The following NDUFS5 variants were observed in gnomAD, a reference collection of about 807,000 sequenced individuals.
NDUFS5 encodes the protein NADH dehydrogenase [ubiquinone] iron-sulfur protein 5.
NDUFS5 carries 7 observed loss-of-function variants against 10.5 expected under a neutral mutation model. The observed-to-expected ratio is 0.66, with a 90% CI of 0.38 to 1.25. The LOEUF is 1.25. Ranked by LOEUF, NDUFS5 falls within the 50% of genes most tolerant of loss-of-function variation. NDUFS5 has a pLI of 0.02. For missense variants in NDUFS5, 148 were observed against 140.7 expected (o/e 1.05, Z -0.26); for synonymous variants, 38 against 44.0 (o/e 0.86, Z 0.54).
At chr1:39,027,967 G>A (rs1163364213) in intron 1 of NDUFS5, among the ~76,000 whole-genome samples, 24 of 148,962 alleles carry the variant, frequency 1.6e-4, no homozygotes, top group Admixed American at 1.6e-3. Context: ...ACAGGCATGT[G>A]CCAACACGCC....
chr1:39,027,527 C>A (rs1450108372), intron 1 of NDUFS5, among the ~76,000 whole-genome samples: 1 of 149,310 alleles, frequency 6.7e-6, no homozygotes, highest in Non-Finnish European at 1.5e-5. Flanking sequence ...AATTTTTTTC[C>A]CTACTGTCTG....
At chr1:39,029,189 C>T (rs1644173550) in intron 2 of NDUFS5, among the ~76,000 whole-genome samples, 1 of 151,938 alleles carries the variant, frequency 6.6e-6, no homozygotes, top group African/African-American at 2.4e-5. Flanking sequence ...AACGGGATTT[C>T]ACCATGCTGG....
chr1:39,027,429 G>T (rs1012434919), intron 1 of NDUFS5, among the ~76,000 whole-genome samples: 1 of 152,132 alleles, frequency 6.6e-6, no homozygotes, highest in Non-Finnish European at 1.5e-5. Context: ...GTGGGTGTGC[G>T]CGCGCTTCCT....
Position 39,028,838 on chromosome 1 carries a change from A to C in NDUFS5, c.114A>C (p.Lys38Asn). ...CTGGTCGATGCCATGCTTTTGAAAAAGAATGGATAGAATGTGCACATGGAA... is the reference window on the plus strand; with the variant it reads ...CTGGTCGATGCCATGCTTTTGAAAACGAATGGATAGAATGTGCACATGGAA... ...KMAGRCHAFE[K>N]EWIECAHGIG... The change falls in exon 2 of 3, where the codon AAA becomes AAC. Residue 38 changes from lysine to asparagine, a missense_variant. By Grantham distance (94) the Lys-to-Asn change is moderately conservative. Coordinates refer to ENST00000372969, the MANE Select transcript of NDUFS5 (RefSeq NM_004552.3). 1 of 1,614,196 alleles carries C rather than the reference A, an allele frequency of 6.2e-7. No homozygotes were observed. Among genetic ancestry groups the C allele is most frequent in the Non-Finnish European group, 8.5e-7 (1 of 1,180,042 alleles).
At chr1:39,031,071 T>C (rs1644187683) in intron 2 of NDUFS5, among the ~76,000 whole-genome samples, 1 of 152,092 alleles carries the variant, frequency 6.6e-6, no homozygotes, top group Admixed American at 6.6e-5. Flanking sequence ...GGTTTCACCA[T>C]GTTGCCCAGG....
At chr1:39,032,545 TAAAAA>T (rs1240339698) in intron 2 of NDUFS5, among the ~76,000 whole-genome samples, 3 of 151,868 alleles carry the variant, frequency 2.0e-5, no homozygotes, top group Admixed American at 6.6e-5. Context: ...AGTCATTGGT[TAAAAA>T]AATTATGTCA....
chr1:39,034,271 C>G (rs1644213091), intron 2 of NDUFS5, 121 bp from the exon 3 acceptor site: 3 of 809,502 alleles, frequency 3.7e-6, no homozygotes, highest in Non-Finnish European at 6.2e-6. Context: ...ATTTCAGAGG[C>G]CCCGTAAGAT....
rs945601633 is a variant in NDUFS5, at chr1:39,029,050, T to C, written c.216+110T>C. Reference sequence around the variant, plus strand: ...TCTTGTCCCCTAGGCTGGTGTGTGATGGCGCCACCTCGTCTCACTGTAGCC... The same window carrying C: ...TCTTGTCCCCTAGGCTGGTGTGTGACGGCGCCACCTCGTCTCACTGTAGCC... On this transcript the variant is annotated intron_variant, in intron 2 of 2. Transcript: ENST00000372969. 11 of 983,152 alleles carry C rather than the reference T, an allele frequency of 1.1e-5. No individual in the cohort carries two copies. In the Admixed American group the frequency reaches 2.6e-4, roughly 23 times the overall value. 60.9% of individuals were successfully genotyped at this position (983,152 alleles called of 1,614,324 possible).
At chr1:39,033,437 G>T (rs1644203702) in intron 2 of NDUFS5, among the ~76,000 whole-genome samples, 2 of 151,546 alleles carry the variant, frequency 1.3e-5, no homozygotes, top group African/African-American at 4.8e-5. Context: ...GCCGGGTGTG[G>T]TGGCGGGCGC....
chr1:39,031,190 A>G (rs536201914), intron 2 of NDUFS5, among the ~76,000 whole-genome samples: 128 of 151,916 alleles, frequency 8.4e-4, no homozygotes, highest in Non-Finnish European at 1.3e-4. Flanking sequence ...TTTTATTTAT[A>G]TAAAATAGAA....
chr1:39,029,840 C>T (rs557732060), intron 2 of NDUFS5, among the ~76,000 whole-genome samples: 52 of 152,274 alleles, frequency 3.4e-4, no homozygotes, highest in African/African-American at 1.2e-3. Flanking sequence ...CGCCTGTAAT[C>T]CCAGGACTTT....
chr1:39,027,609 C>T (rs1037235972), intron 1 of NDUFS5, among the ~76,000 whole-genome samples: 10 of 28,140 alleles, frequency 3.6e-4, no homozygotes, highest in South Asian at 6.6e-4. Context: ...GACAGGATCT[C>T]GCTTTGTTGC....
chr1:39,027,581 G>GTTTGTTTTTTT (rs1644158673), intron 1 of NDUFS5, among the ~76,000 whole-genome samples: 1 of 91,134 alleles, frequency 1.1e-5, no homozygotes, highest in Non-Finnish European at 2.2e-5. Flanking sequence ...TTTCGCTCTG[G>GTTTGTTTTTTT]TTTTTTTTTT....
intron 2 of NDUFS5, among the ~76,000 whole-genome samples, chr1:39,030,397 T>C: frequency 1.7e-5 from 2 of 118,574 alleles, no homozygotes; most frequent in African/African-American, 3.1e-5. Context: ...AGAGCGAGAC[T>C]CCGTCTCAAG....
chr1:39,032,994 C>T (rs1040272562), intron 2 of NDUFS5, among the ~76,000 whole-genome samples: 2 of 152,104 alleles, frequency 1.3e-5, no homozygotes, highest in African/African-American at 4.8e-5. Context: ...GGGTTTTGAG[C>T]AGAGGAATAA....
chr1:39,027,928 C>T (rs1338906545), intron 1 of NDUFS5, among the ~76,000 whole-genome samples: 3 of 146,858 alleles, frequency 2.0e-5, no homozygotes, highest in Non-Finnish European at 4.5e-5. Context: ...AGCAGTTCTC[C>T]TGTCTCAGCC....
rs752074607 is a variant in NDUFS5, at chr1:39,028,706, T to A, written c.-2-17T>A. On this transcript the variant is annotated splice_polypyrimidine_tract_variant and intron_variant, in intron 1 of 2. Transcript: ENST00000372969. Reference sequence around the variant, plus strand: ...GTGGTATTTTATTTACTTATTTTTTTAAATCTTCCATTACAGCCATGCCTT... The same window carrying A: ...GTGGTATTTTATTTACTTATTTTTTAAAATCTTCCATTACAGCCATGCCTT... The A allele has an allele frequency of 3.7e-6, 6 of 1,611,428 alleles. No individual in the cohort carries two copies. Among genetic ancestry groups the A allele is most frequent in the Admixed American group, 1.7e-5 (1 of 60,008 alleles).
At chr1:39,027,551 A>G (rs1420291213) in intron 1 of NDUFS5, among the ~76,000 whole-genome samples, 2 of 143,706 alleles carry the variant, frequency 1.4e-5, no homozygotes, top group African/African-American at 2.6e-5. Flanking sequence ...TAGTCTACAA[A>G]GTAAGTCTTA....
In NDUFS5 at chr1:39,028,894, A is replaced by G. The variant is rs771659115; in HGVS notation, c.170A>G (p.Lys57Arg). The G allele has an allele frequency of 8.1e-6, 13 of 1,613,974 alleles. 1 individual carries two copies. In the South Asian group the frequency reaches 1.1e-4, roughly 14 times the overall value. Residue 57 changes from lysine to arginine, a missense_variant, in exon 2 of 3, where the codon AAG (lysine) becomes AGG (arginine). Transcript: ENST00000372969. ...TATACTCGGGCAGAGAAAGAGTGCAAGATAGAATATGATGATTTCGTAGAG... is the reference window on the plus strand; with the variant it reads ...TATACTCGGGCAGAGAAAGAGTGCAGGATAGAATATGATGATTTCGTAGAG... ...IGYTRAEKEC[K>R]IEYDDFVECL...
Sources: gnomAD v4.1 joint callset for allele counts (sites outside exome capture counted in the v4.1 genomes callset) on GRCh38, gnomAD v4.1.1 for gene constraint, MANE v1.5 for transcripts, NCBI Gene and HGNC (gene_info 2026-07-23, HGNC 2026-07-21) for gene names.